SYNE1: variants seen among roughly 807,000 people sequenced by gnomAD.
SYNE1 encodes nesprin-1.
A neutral mutation model predicts 1,111.0 loss-of-function variants in SYNE1; 616 were observed. That is an observed-to-expected ratio of 0.55 (90% confidence interval 0.52 to 0.59). SYNE1 has a LOEUF of 0.59. Ranked by LOEUF, SYNE1 falls within the 20% of genes least tolerant of loss-of-function variation. The pLI is 0.00. For missense variants in SYNE1, 10,006 were observed against 10,417.0 expected, an observed-to-expected ratio of 0.96 and a Z score of 1.72; for synonymous variants, 3,855 against 3,825.8, an observed-to-expected ratio of 1.01 and a Z score of -0.28.
chr6:152,612,720 A>C (rs1727032), intron 3 of SYNE1, among the ~76,000 whole-genome samples: 108,529 of 151,756 alleles, frequency 0.72, 38,882 homozygotes, highest in East Asian at 0.81. Context: ...ACCAATATCC[A>C]TGATGAAAAT....
At chr6:152,510,990 A>G in intron 7 of SYNE1, 21 bp downstream of exon 7, 1 of 1,603,766 alleles carries the variant, frequency 6.2e-7, no homozygotes, top group Non-Finnish European at 8.5e-7. Flanking sequence ...ATCAACTGAA[A>G]GAGGAACTGT....
chr6:152,275,933 T>C (rs1367153913), intron 98 of SYNE1, among the ~76,000 whole-genome samples: 1 of 149,816 alleles, frequency 6.7e-6, no homozygotes, highest in Non-Finnish European at 1.5e-5. Context: ...AGACTAATAA[T>C]CCCTCAAAAC....
At chr6:152,620,021 A>G (rs2099671860) in intron 3 of SYNE1, among the ~76,000 whole-genome samples, 1 of 152,208 alleles carries the variant, frequency 6.6e-6, no homozygotes, top group Non-Finnish European at 1.5e-5. Context: ...AAATGATTTT[A>G]AATGATAGGC....
rs1478177034 is a variant in SYNE1 at position 152,214,794 on chromosome 6, C to T, written c.22346+112G>A. ...CTTCCCAGTCTCCAGAACTGTGAGA[C>T]TGTTCAACATTTCTGTTCTTTATAA... On this transcript the variant is annotated intron_variant, in intron 122 of 145. Transcript: ENST00000367255. 4.2e-6 allele frequency: 6 copies of T among 1,429,356 alleles called. No individual in the cohort carries two copies. In the African/African-American group the frequency reaches 8.4e-5, roughly 20 times the overall value. The allele number at this position is 1,429,356 out of a possible 1,614,324, so 88.5% of individuals were successfully genotyped here. A position where few individuals can be genotyped will look rare whatever the true frequency, so the allele number is the denominator to read the frequency against.
intron 16 of SYNE1, among the ~76,000 whole-genome samples, chr6:152,469,315 CATT>C (rs1564267126): frequency 6.6e-6 from 1 of 151,564 alleles, no homozygotes; most frequent in Non-Finnish European, 1.5e-5. Flanking sequence ...CCTACCATTT[CATT>C]ATTATTATTA....
chr6:152,429,599 T>C (rs2098409255), intron 36 of SYNE1, among the ~76,000 whole-genome samples: 1 of 152,214 alleles, frequency 6.6e-6, no homozygotes, highest in African/African-American at 2.4e-5. Context: ...AGTATTTCTT[T>C]GTACGTAATT....
intron 131 of SYNE1, among the ~76,000 whole-genome samples, chr6:152,162,698 T>A (rs554829220): frequency 6.6e-6 from 1 of 152,318 alleles, no homozygotes; most frequent in East Asian, 1.9e-4. Flanking sequence ...AGCAATGGAA[T>A]ATAGTGTATG....
At chr6:152,629,678 G>A (rs370033589) in intron 2 of SYNE1, among the ~76,000 whole-genome samples, 2 of 152,118 alleles carry the variant, frequency 1.3e-5, no homozygotes, top group East Asian at 1.9e-4. Flanking sequence ...TGCCATAAAC[G>A]AAATAATTAG....
At chr6:152,141,366 ATCT>A in intron 138 of SYNE1, 37 bp from the exon 139 acceptor site, 1 of 1,612,288 alleles carries the variant, frequency 6.2e-7, no homozygotes, top group Non-Finnish European at 8.5e-7. Flanking sequence ...TGTCACCCAA[ATCT>A]TCATGAGTGC....
At chr6:152,451,798 ATGTTCTTATTT>A (rs2098653432) in intron 25 of SYNE1, among the ~76,000 whole-genome samples, 1 of 152,028 alleles carries the variant, frequency 6.6e-6, no homozygotes, top group Non-Finnish European at 1.5e-5. Flanking sequence ...CACAGTATTA[ATGTTCTTATTT>A]TACAGATTAC....
Position 152,520,839 on chromosome 6 carries a change from C to T in SYNE1, c.226-297G>A, listed in dbSNP as rs17699371. Among the ~76,000 whole-genome samples the T allele has an allele frequency of 0.047, 7,183 of 152,228 alleles. 232 individuals are homozygous for T. The highest frequency in any genetic ancestry group is 0.066 in the Non-Finnish European group (4,485 of 68,008). ...TATTTACTGAGACCTCTGTTAGACACGACACAGTCTCATCATTGGTCTGTG... is the reference window on the plus strand; with the variant it reads ...TATTTACTGAGACCTCTGTTAGACATGACACAGTCTCATCATTGGTCTGTG... On this transcript the variant is annotated intron_variant, in intron 5 of 145. Coordinates refer to ENST00000367255, the MANE Select transcript of SYNE1 (RefSeq NM_182961.4).
At chr6:152,585,747 C>T (rs922077673) in intron 3 of SYNE1, among the ~76,000 whole-genome samples, 8 of 152,016 alleles carry the variant, frequency 5.3e-5, no homozygotes, top group African/African-American at 1.9e-4. Flanking sequence ...AAAAGAAAAA[C>T]ACCGCCATGA....
intron 39 of SYNE1, 135 bp downstream of exon 39, chr6:152,425,246 T>G: frequency 1.1e-6 from 1 of 897,728 alleles, no homozygotes; most frequent in Non-Finnish European, 1.7e-6. Context: ...AAAATAAAAG[T>G]TTTCTTCCCT....
intron 41 of SYNE1, 35 bp downstream of exon 41, chr6:152,416,350 GAA>G (rs2098154619): frequency 6.2e-7 from 1 of 1,610,944 alleles, no homozygotes; most frequent in Admixed American, 1.7e-5. Flanking sequence ...AAATACAAAA[GAA>G]AAGAGACAAG....
chr6:152,626,369 G>T (rs922647460), intron 3 of SYNE1, among the ~76,000 whole-genome samples: 3 of 152,100 alleles, frequency 2.0e-5, no homozygotes, highest in Admixed American at 6.5e-5. Context: ...CCACACTTTT[G>T]TAAGGGACTC....
At chr6:152,569,657 A>G (rs190715699) in intron 3 of SYNE1, among the ~76,000 whole-genome samples, 22 of 152,318 alleles carry the variant, frequency 1.4e-4, no homozygotes, top group African/African-American at 5.1e-4. Context: ...GAAATGGAGG[A>G]AGAAAAAAGA....
chr6:152,354,799 C>T lies in SYNE1; in HGVS notation c.10786G>A (p.Val3596Met), dbSNP rs143034104. 2.1e-4 allele frequency: 331 copies of T among 1,614,184 alleles called. 2 individuals are homozygous for T. The highest frequency in any genetic ancestry group is 1.5e-3 in the Middle Eastern group (9 of 6,062). ...TCCATTAGCCTCAATTTGTTCACCA[C>T]GTTATTGAACTGAGTTCGAGTCTCG... ...LSETRTQFNN[V>M]VNKLRLMEQK... Residue 3596 changes from valine (V) to methionine (M), a missense_variant, in exon 67 of 146, where the codon GTG becomes ATG. By Grantham distance (21) the Val-to-Met change is conservative. Around this residue, in one of 7 missense-constraint regions of SYNE1, gnomAD observed 4,955 missense variants for 5,017.2 expected, o/e 0.99. Transcript: ENST00000367255.
chr6:152,473,395 C>A (rs540558391), intron 14 of SYNE1, among the ~76,000 whole-genome samples: 1 of 152,290 alleles, frequency 6.6e-6, no homozygotes, highest in South Asian at 2.1e-4. Context: ...TCAAGAGACA[C>A]ACTTGGTGGG....
rs146238726 is a variant in SYNE1 at position 152,284,095 on chromosome 6, G to A, written c.18090C>T (p.Ser6030=). 202 of 1,614,024 alleles carry A rather than the reference G, an allele frequency of 1.3e-4. 1 individual carries two copies. The South Asian group carries it at 1.5e-3, about 12-fold the overall frequency. The change falls in exon 96 of 146, where the codon TCC becomes TCT. Residue 6030 remains serine, a synonymous_variant. Coordinates refer to ENST00000367255, the MANE Select transcript of SYNE1 (RefSeq NM_182961.4). ...LQSSLAEELV[S]ESCEADPAEQ... is the part of the protein sequence containing the mutation. ...CCGCAGGGTCGGCCTCACAAGACTC[G>A]GATACCAGCTCCTCTGCGAGAGAGG...
Sources: gnomAD v4.1 joint callset for allele counts (sites outside exome capture counted in the v4.1 genomes callset) on GRCh38, gnomAD v4.1.1 for gene constraint, gnomAD v4.1.1 regional missense constraint, MANE v1.5 for transcripts, NCBI Gene and HGNC (gene_info 2026-07-23, HGNC 2026-07-21) for gene names.